Variants in EEFSEC observed in about 807,000 individuals in gnomAD.
EEFSEC encodes eukaryotic elongation factor, selenocysteine-tRNA specific.
A neutral mutation model predicts 42.1 loss-of-function variants in EEFSEC; 43 were observed. The observed-to-expected ratio is 1.02, with a 90% CI of 0.80 to 1.32. The LOEUF (loss-of-function observed/expected upper bound fraction) is 1.32, where lower values mean the gene tolerates loss of function less well. Among genes scored for constraint, EEFSEC ranks in the 40% most tolerant of loss-of-function variants. The pLI, the probability that EEFSEC is intolerant of heterozygous loss-of-function variation, is 0.00. For missense variants in EEFSEC, 745 were observed against 803.6 expected (o/e 0.93, Z 0.88); for synonymous variants, 354 against 339.1 (o/e 1.04, Z -0.48).
chr3:128,219,709 A>G (rs1393939703), intron 1 of EEFSEC, among the ~76,000 whole-genome samples: 7 of 151,958 alleles, frequency 4.6e-5, no homozygotes, highest in Admixed American at 3.9e-4. Context: ...GAGGACAGGG[A>G]CCTTATTTGT....
intron 1 of EEFSEC, among the ~76,000 whole-genome samples, chr3:128,234,001 C>A (rs137998584): frequency 6.6e-6 from 1 of 151,736 alleles, no homozygotes; most frequent in Non-Finnish European, 1.5e-5. Flanking sequence ...TTCCTTTCCC[C>A]GATTCCCTGA....
chr3:128,275,399 A>G (rs1041381979), intron 4 of EEFSEC, among the ~76,000 whole-genome samples: 2 of 152,206 alleles, frequency 1.3e-5, no homozygotes, highest in Admixed American at 6.5e-5. Flanking sequence ...GTGGCCATGC[A>G]GGGCTGTGTG....
chr3:128,239,669 A>G (rs1002137188), intron 1 of EEFSEC, among the ~76,000 whole-genome samples: 1 of 152,200 alleles, frequency 6.6e-6, no homozygotes, highest in Admixed American at 6.5e-5. Flanking sequence ...TGTCTCCTCT[A>G]CAGGAACCTG....
intron 5 of EEFSEC, among the ~76,000 whole-genome samples, chr3:128,351,586 A>G (rs1404919803): frequency 1.3e-5 from 2 of 152,188 alleles, no homozygotes; most frequent in African/African-American, 4.8e-5. Context: ...TATCACTTCT[A>G]CAATTTGAAT....
intron 2 of EEFSEC, among the ~76,000 whole-genome samples, chr3:128,249,856 T>G (rs2066166216): frequency 1.3e-5 from 2 of 152,220 alleles, no homozygotes; most frequent in Admixed American, 6.5e-5. Context: ...CTTGGGTTGC[T>G]TCCTGGCTAC....
chr3:128,409,343 C>T (rs1184728702), downstream of EEFSEC, among the ~76,000 whole-genome samples: 1 of 151,402 alleles, frequency 6.6e-6, no homozygotes, highest in African/African-American at 2.4e-5. Context: ...ATGACTTGGG[C>T]CTGTTAAGCC....
At chr3:128,350,262 G>A (rs1041021222) in intron 5 of EEFSEC, among the ~76,000 whole-genome samples, 15 of 152,346 alleles carry the variant, frequency 9.8e-5, no homozygotes, top group Non-Finnish European at 1.2e-4. Flanking sequence ...CTCATGACCT[G>A]CCTCTGGCAC....
At chr3:128,333,800 G>A (rs1220574878) in intron 4 of EEFSEC, among the ~76,000 whole-genome samples, 1 of 152,148 alleles carries the variant, frequency 6.6e-6, no homozygotes, top group Non-Finnish European at 1.5e-5. Flanking sequence ...AAAGTGCATG[G>A]TAAAGGGAAA....
chr3:128,327,506 C>T (rs973107328), intron 4 of EEFSEC, among the ~76,000 whole-genome samples: 1 of 152,228 alleles, frequency 6.6e-6, no homozygotes, highest in Non-Finnish European at 1.5e-5. Flanking sequence ...TGGCTTCCCC[C>T]ACATCCCAAG....
intron 1 of EEFSEC, among the ~76,000 whole-genome samples, chr3:128,198,010 C>A (rs1320318080): frequency 6.6e-6 from 1 of 152,204 alleles, no homozygotes; most frequent in Non-Finnish European, 1.5e-5. Flanking sequence ...ACCCCATCCC[C>A]CTTCCCTTAA....
At position 128,341,364 on chromosome 3, in the gene EEFSEC, C is replaced by T. The variant is rs142594196; in HGVS notation, c.918C>T (p.Pro306=). The change falls in exon 5 of 7, where the codon CCC becomes CCT. Residue 306 remains proline (P), a synonymous_variant. Coordinates refer to ENST00000254730, the MANE Select transcript of EEFSEC (RefSeq NM_021937.5). The part of the protein sequence containing the change: ...KLLERGLVCA[P]ESLHTVHAAL... The stretch of plus-strand genomic sequence containing the variant: ...TGGAGCGCGGGTTGGTGTGTGCCCC[C>T]GAGTCCCTGCACACTGTCCATGCGG... 6.8e-6 allele frequency: 11 copies of T among 1,613,986 alleles called. No homozygotes were observed. The highest frequency in any genetic ancestry group is 2.2e-5 in the East Asian group (1 of 44,888).
chr3:128,335,951 G>A (rs1052430152), intron 4 of EEFSEC, among the ~76,000 whole-genome samples: 5 of 152,196 alleles, frequency 3.3e-5, no homozygotes, highest in East Asian at 1.9e-4. Context: ...AGAAGCAGAA[G>A]GCTGAAGGAG....
At chr3:128,393,790 C>T (rs535973585) in intron 6 of EEFSEC, among the ~76,000 whole-genome samples, 2 of 152,268 alleles carry the variant, frequency 1.3e-5, no homozygotes, top group African/African-American at 2.4e-5. Flanking sequence ...GAGGCAGTTA[C>T]AGTGGGAGGT....
intron 4 of EEFSEC, among the ~76,000 whole-genome samples, chr3:128,304,617 C>A (rs964844662): frequency 5.3e-5 from 8 of 151,970 alleles, no homozygotes; most frequent in Non-Finnish European, 1.0e-4. Flanking sequence ...AATGTTTAGA[C>A]CTTCAATTTT....
At chr3:128,231,949 G>A (rs2065963031) in intron 1 of EEFSEC, among the ~76,000 whole-genome samples, 1 of 152,160 alleles carries the variant, frequency 6.6e-6, no homozygotes, top group Admixed American at 6.5e-5. Context: ...CGTCGCTGAT[G>A]GTGAAGTGTG....
Position 128,160,967 on chromosome 3 carries a change from G to T in EEFSEC, c.316+7144G>T, listed in dbSNP as rs191982693. Among the ~76,000 whole-genome samples the T allele has an allele frequency of 4.8e-3, 734 of 152,090 alleles. 6 individuals carry two copies. The highest frequency in any genetic ancestry group is 8.2e-3 in the Non-Finnish European group (557 of 67,956). ...GTGCTTGTCTGTATGCTGTTTTTTT[G>T]ATTTGTTTGTTTAATCTTCACACTA... is the stretch of plus-strand genomic sequence containing the variant. On this transcript the variant is annotated intron_variant, in intron 1 of 6. Transcript: ENST00000254730.
intron 4 of EEFSEC, among the ~76,000 whole-genome samples, chr3:128,276,367 A>T (rs558499861): frequency 6.6e-6 from 1 of 152,208 alleles, no homozygotes; most frequent in Admixed American, 6.5e-5. Flanking sequence ...GACTCCCTTT[A>T]TTGGCAGTTT....
chr3:128,294,868 A>G (rs2066685195), intron 4 of EEFSEC, among the ~76,000 whole-genome samples: 1 of 152,200 alleles, frequency 6.6e-6, no homozygotes, highest in African/African-American at 2.4e-5. Flanking sequence ...TGAAACAAAA[A>G]CAGAAACACA....
intron 1 of EEFSEC, among the ~76,000 whole-genome samples, chr3:128,173,398 G>C (rs537573227): frequency 1.3e-5 from 2 of 152,294 alleles, no homozygotes; most frequent in South Asian, 4.1e-4. Context: ...ATTCTTGAAT[G>C]CCTTGTATAC....
Sources: allele counts gnomAD v4.1 joint callset (sites outside exome capture counted in the v4.1 genomes callset), GRCh38; gene constraint gnomAD v4.1.1; transcripts MANE v1.5; gene names NCBI Gene and HGNC (gene_info 2026-07-23, HGNC 2026-07-21).